The following RIN2 variants were observed in gnomAD, a reference collection of about 807,000 sequenced individuals.
RIN2 encodes the protein RAB5 interacting protein 2.
Under a neutral mutation model 78.0 loss-of-function variants are expected in RIN2, and 36 were observed. The observed-to-expected ratio is 0.46, with a 90% CI of 0.35 to 0.61. The LOEUF (loss-of-function observed/expected upper bound fraction) is 0.61. Ranked by LOEUF, RIN2 falls within the 20% of genes least tolerant of loss-of-function variation. RIN2 has a pLI of 0.00. For missense variants in RIN2, 1,087 were observed against 1,159.7 expected, an observed-to-expected ratio of 0.94 and a Z score of 0.91; for synonymous variants, 466 against 466.8, an observed-to-expected ratio of 1.00 and a Z score of 0.02.
chr20:19,842,495 G>C (rs1320767649), intron 2 of RIN2, among the ~76,000 whole-genome samples: 1 of 147,700 alleles, frequency 6.8e-6, no homozygotes, highest in Non-Finnish European at 1.5e-5. Context: ...ACCTGCCTCG[G>C]CCTCCCAAAG....
At chr20:19,790,084 G>A (rs1302210015) in intron 1 of RIN2, among the ~76,000 whole-genome samples, 1 of 152,156 alleles carries the variant, frequency 6.6e-6, no homozygotes, top group Non-Finnish European at 1.5e-5. Context: ...CAGAAGGCTT[G>A]AAGGTGATCT....
intron 2 of RIN2, among the ~76,000 whole-genome samples, chr20:19,816,574 G>A (rs1312473466): frequency 1.3e-5 from 2 of 152,182 alleles, no homozygotes; most frequent in Non-Finnish European, 2.9e-5. Context: ...TAGGCCTCGG[G>A]CTTTTTACGT....
intron 3 of RIN2, among the ~76,000 whole-genome samples, chr20:19,932,704 A>G (rs2146107713): frequency 6.6e-6 from 1 of 152,176 alleles, no homozygotes; most frequent in Non-Finnish European, 1.5e-5. Flanking sequence ...TCCTTAGATA[A>G]TCTCTCCCTG....
Position 19,899,072 on chromosome 20 carries a change from A to G in RIN2, c.57+9414A>G, listed in dbSNP as rs149184600. 1.7e-3 allele frequency among the ~76,000 whole-genome samples: 259 copies of G among 152,320 alleles called. 1 individual carries two copies. The highest frequency in any genetic ancestry group is 7.3e-3 in the East Asian group (38 of 5,182). The stretch of plus-strand genomic sequence containing the variant: ...TTCCAAGTCTGAGTGTTTCTTAATA[A>G]TTACTGCTGAAATGGCTTATTCCCA... On this transcript the variant is annotated intron_variant, in intron 3 of 12. Coordinates refer to ENST00000255006, the MANE Select transcript of RIN2 (RefSeq NM_018993.4).
chr20:19,970,490 T>C (rs1001480354), intron 7 of RIN2, among the ~76,000 whole-genome samples: 1 of 152,188 alleles, frequency 6.6e-6, no homozygotes, highest in Non-Finnish European at 1.5e-5. Context: ...AGGCATGCAG[T>C]GAATTAGTAC....
intron 1 of RIN2, among the ~76,000 whole-genome samples, chr20:19,774,848 G>T (rs185800936): frequency 6.6e-6 from 1 of 152,324 alleles, no homozygotes; most frequent in Admixed American, 6.5e-5. Context: ...CCAGATAGGA[G>T]AAGACTGTGA....
At position 19,975,174 on chromosome 20, in the gene RIN2, C is replaced by T. The variant is rs757032540; in HGVS notation, c.1149C>T (p.Gly383=). Residue 383 remains glycine, a synonymous_variant, in exon 9 of 13, where the codon GGC becomes GGT. Transcript: ENST00000255006. This position sits in a 1 kb window ranked among gnomAD's most constrained non-coding sequence, Gnocchi z 4.9. The stretch of plus-strand genomic sequence containing the variant: ...AGACCTTGAGCGGCGGCCGGCCGGG[C>T]GCAGGCCCGGAGCTGGAGCTGGGCA... ...GAKTLSGGRP[G]AGPELELGTA... is the part of the protein sequence containing the mutation. 12 of 1,610,378 alleles carry T rather than the reference C, an allele frequency of 7.5e-6. No homozygotes were observed. The highest frequency in any genetic ancestry group is 1.0e-5 in the Non-Finnish European group (12 of 1,178,784).
At chr20:19,927,362 C>T (rs35526150) in intron 3 of RIN2, among the ~76,000 whole-genome samples, 14,213 of 152,208 alleles carry the variant, frequency 0.093, 1,144 homozygotes, top group African/African-American at 0.22. Context: ...AGCCACCTTC[C>T]TCAGCCTCCT....
At chr20:19,934,509 A>G in intron 3 of RIN2, 6 of 985,216 alleles carry the variant, frequency 6.1e-6, no homozygotes, top group Non-Finnish European at 7.2e-6. Flanking sequence ...CTCCCCACTC[A>G]TCCACCCCAG....
chr20:19,817,163 A>C (rs1230596485), intron 2 of RIN2, among the ~76,000 whole-genome samples: 13 of 152,236 alleles, frequency 8.5e-5, no homozygotes, highest in Admixed American at 8.5e-4. Context: ...ATTACTTGGA[A>C]GTAAATACCA....
At position 19,833,276 on chromosome 20, in the gene RIN2, A is replaced by G. The variant is rs185247365; in HGVS notation, c.-37+33529A>G. Among the ~76,000 whole-genome samples the G allele has an allele frequency of 2.1e-3, 304 of 147,590 alleles. 1 individual carries two copies. The highest frequency in any genetic ancestry group is 3.2e-3 in the Non-Finnish European group (216 of 67,160). ...CCTATATCTATATATAGATAGATAG[A>G]TATAGGTTATATATATATATTTTAA... On this transcript the variant is annotated intron_variant, in intron 2 of 12. Transcript: ENST00000255006.
At chr20:19,825,809 A>G (rs1251376142) in intron 2 of RIN2, among the ~76,000 whole-genome samples, 1 of 151,838 alleles carries the variant, frequency 6.6e-6, no homozygotes, top group African/African-American at 2.4e-5. Context: ...CTGTAACCCC[A>G]CTCACAGGAT....
At chr20:19,887,783 C>G (rs1413191555) in intron 2 of RIN2, among the ~76,000 whole-genome samples, 1 of 152,182 alleles carries the variant, frequency 6.6e-6, no homozygotes, top group African/African-American at 2.4e-5. Context: ...TCTCGTTTAG[C>G]AATTCCTGAA....
At chr20:19,956,960 G>C (rs920724134) in intron 5 of RIN2, among the ~76,000 whole-genome samples, 153 bp downstream of exon 5, 2 of 152,206 alleles carry the variant, frequency 1.3e-5, no homozygotes, top group African/African-American at 4.8e-5. Context: ...GAAATATTCT[G>C]TAAACCCAGG....
Position 19,825,479 on chromosome 20 carries a change from A to C in RIN2, c.-37+25732A>C, listed in dbSNP as rs894101244. The stretch of plus-strand genomic sequence containing the variant: ...CCTCTCCCCTTCCCAGTCCTCTCTT[A>C]AACTAAACTTTTCTAGGCCCTTCAG... On this transcript the variant is annotated intron_variant, in intron 2 of 12. Coordinates refer to ENST00000255006, the MANE Select transcript of RIN2 (RefSeq NM_018993.4). Among the ~76,000 whole-genome samples the C allele has an allele frequency of 3.9e-5, 6 of 152,252 alleles. No individual in the cohort carries two copies. The East Asian group carries it at 1.2e-3, about 29-fold the overall frequency.
At chr20:19,875,752 G>T (rs142357840) in intron 2 of RIN2, among the ~76,000 whole-genome samples, 4 of 152,030 alleles carry the variant, frequency 2.6e-5, no homozygotes, top group Non-Finnish European at 5.9e-5. Context: ...CACTCAACAC[G>T]TTCCCAGCAG....
intron 2 of RIN2, among the ~76,000 whole-genome samples, chr20:19,851,837 T>C (rs1361217404): frequency 1.3e-5 from 2 of 152,084 alleles, no homozygotes; most frequent in African/African-American, 2.4e-5. Context: ...CCAGTAGAAC[T>C]ACCTAACAAG....
intron 4 of RIN2, among the ~76,000 whole-genome samples, chr20:19,953,902 G>A (rs1568655773): frequency 1.3e-5 from 2 of 152,206 alleles, no homozygotes; most frequent in African/African-American, 4.8e-5. Context: ...ATTTGCAGAA[G>A]GAGAAACTAT....
chr20:19,859,365 G>A (rs576160640), intron 2 of RIN2, among the ~76,000 whole-genome samples: 7 of 152,322 alleles, frequency 4.6e-5, no homozygotes, highest in African/African-American at 7.2e-5. Flanking sequence ...CTTATTAATT[G>A]TGTAACATTA....
Sources: allele counts gnomAD v4.1 joint callset (sites outside exome capture counted in the v4.1 genomes callset), GRCh38; gene constraint gnomAD v4.1.1; non-coding constraint Gnocchi (gnomAD v3.1); transcripts MANE v1.5; gene names NCBI Gene and HGNC (gene_info 2026-07-23, HGNC 2026-07-21).